The following ACCSL variants were observed in gnomAD, a reference collection of about 807,000 sequenced individuals.
ACCSL encodes probable inactive 1-aminocyclopropane-1-carboxylate synthase-like protein 2.
A neutral mutation model predicts 61.7 loss-of-function variants in ACCSL; 55 were observed. The observed-to-expected ratio is 0.89, with a 90% CI of 0.72 to 1.12. The LOEUF is 1.12. Ranked by LOEUF, ACCSL falls within the 50% of genes most tolerant of loss-of-function variation. The pLI is 0.00. For missense variants in ACCSL, 632 were observed against 698.0 expected, an observed-to-expected ratio of 0.91 and a Z score of 1.07; for synonymous variants, 258 against 264.3, an observed-to-expected ratio of 0.98 and a Z score of 0.23.
chr11:44,024,763 T>C, the ACCSL span, among the ~76,000 whole-genome samples: 3 of 152,178 alleles, frequency 2.0e-5, no homozygotes, highest in Non-Finnish European at 4.4e-5. Flanking sequence ...CTGGTTGTTA[T>C]ATTCATTATT....
chr11:44,012,793 C>T, the ACCSL span, among the ~76,000 whole-genome samples: 3 of 152,192 alleles, frequency 2.0e-5, no homozygotes, highest in Non-Finnish European at 4.4e-5. Flanking sequence ...AATAAGGAAA[C>T]GGCCTAATAC....
At chr11:43,964,938 C>G in the ACCSL span, among the ~76,000 whole-genome samples, 1 of 152,154 alleles carries the variant, frequency 6.6e-6, no homozygotes, top group Non-Finnish European at 1.5e-5. Context: ...TAAAAGGAAA[C>G]TTCCTCAACC....
At chr11:43,928,566 G>A in the ACCSL span, among the ~76,000 whole-genome samples, 4 of 152,154 alleles carry the variant, frequency 2.6e-5, no homozygotes, top group East Asian at 1.9e-4. Flanking sequence ...CAGGAGGATC[G>A]CTGCCTCCCT....
the ACCSL span, among the ~76,000 whole-genome samples, chr11:44,014,143 T>C: frequency 6.6e-6 from 1 of 152,082 alleles, no homozygotes; most frequent in Non-Finnish European, 1.5e-5. Context: ...GAAACATATA[T>C]CCCCACACCG....
At chr11:44,018,468 C>T in the ACCSL span, among the ~76,000 whole-genome samples, 1 of 152,196 alleles carries the variant, frequency 6.6e-6, no homozygotes. Flanking sequence ...AGAAGTTTCT[C>T]CTGCAGACTT....
chr11:44,051,419 C>A lies in ACCSL; in HGVS notation c.705+15C>A, dbSNP rs761452540. 6.2e-7 allele frequency: 1 copy of A among 1,614,078 alleles called. No individual in the cohort carries two copies. Among genetic ancestry groups the A allele is most frequent in the East Asian group, 2.2e-5 (1 of 44,874 alleles). ...ACCCAGAAAATGTGAGTCAGTTTCC[C>A]AGCCTTGCTGCCACCCTGGTGGAGG... On this transcript the variant is annotated intron_variant, in intron 4 of 13. Transcript: ENST00000378832.
At chr11:44,043,332 T>C (rs1952584592), upstream of ACCSL, among the ~76,000 whole-genome samples, 1 of 152,174 alleles carries the variant, frequency 6.6e-6, no homozygotes, top group Non-Finnish European at 1.5e-5. Context: ...GGAATTGGTA[T>C]TGCCTGTGGA....
the ACCSL span, among the ~76,000 whole-genome samples, chr11:44,035,590 C>G: frequency 1.5e-3 from 226 of 152,236 alleles, no homozygotes; most frequent in Non-Finnish European, 2.0e-3. Flanking sequence ...TCTTCACAGT[C>G]TGGGTCTGAG....
the ACCSL span, among the ~76,000 whole-genome samples, chr11:44,002,409 G>C: frequency 5.3e-5 from 8 of 152,296 alleles, no homozygotes; most frequent in African/African-American, 1.9e-4. Flanking sequence ...GAAGCCCCCC[G>C]CGTGGTTTCT....
At chr11:43,970,743 C>T in the ACCSL span, among the ~76,000 whole-genome samples, 1 of 152,074 alleles carries the variant, frequency 6.6e-6, no homozygotes, top group East Asian at 1.9e-4. Flanking sequence ...GGTGTAGGCT[C>T]ATGGGTTCCT....
chr11:44,013,149 G>A, the ACCSL span, among the ~76,000 whole-genome samples: 28 of 152,146 alleles, frequency 1.8e-4, no homozygotes, highest in African/African-American at 6.5e-4. Context: ...AGAAGTCCAA[G>A]ATACACTGAA....
chr11:43,985,082 C>T, the ACCSL span, among the ~76,000 whole-genome samples: 19 of 152,286 alleles, frequency 1.2e-4, no homozygotes, highest in South Asian at 2.3e-3. Context: ...AGCAAATCCA[C>T]GAGAGGCAGG....
At chr11:44,040,816 C>G in the ACCSL span, among the ~76,000 whole-genome samples, 1 of 152,116 alleles carries the variant, frequency 6.6e-6, no homozygotes, top group Non-Finnish European at 1.5e-5. Flanking sequence ...GCTCATGGAT[C>G]CCCAAAAGTG....
chr11:43,955,712 T>A, the ACCSL span, among the ~76,000 whole-genome samples: 1 of 151,952 alleles, frequency 6.6e-6, no homozygotes, highest in Non-Finnish European at 1.5e-5. Flanking sequence ...CAATCTTTGG[T>A]TTTACAATAG....
At chr11:43,990,224 G>C in the ACCSL span, among the ~76,000 whole-genome samples, 4 of 152,362 alleles carry the variant, frequency 2.6e-5, no homozygotes, top group African/African-American at 9.6e-5. Flanking sequence ...CACTGACAGA[G>C]TGCTTAGGAC....
the ACCSL span, among the ~76,000 whole-genome samples, chr11:44,008,510 A>G: frequency 6.6e-6 from 1 of 152,246 alleles, no homozygotes; most frequent in Non-Finnish European, 1.5e-5. Context: ...GGACTCATCC[A>G]AATCTCATTT....
At chr11:43,941,792 T>G in the ACCSL span, among the ~76,000 whole-genome samples, 1 of 152,234 alleles carries the variant, frequency 6.6e-6, no homozygotes, top group Admixed American at 6.5e-5. Flanking sequence ...GGGCTGCTGC[T>G]GTGAAGATTA....
intron 13 of ACCSL, among the ~76,000 whole-genome samples, chr11:44,059,114 C>T (rs902473696): frequency 3.0e-4 from 46 of 152,216 alleles, no homozygotes; most frequent in African/African-American, 8.9e-4. Context: ...TGGTGGCGCA[C>T]GCCTGTAATC....
upstream of ACCSL, among the ~76,000 whole-genome samples, chr11:44,046,733 G>C (rs1429188075): frequency 6.6e-6 from 1 of 152,102 alleles, no homozygotes; most frequent in African/African-American, 2.4e-5. Flanking sequence ...TTGGTGGAAT[G>C]GGCATAGGTC....
Sources: allele counts gnomAD v4.1 joint callset (sites outside exome capture counted in the v4.1 genomes callset), GRCh38; gene constraint gnomAD v4.1.1; transcripts MANE v1.5; gene names NCBI Gene and HGNC (gene_info 2026-07-23, HGNC 2026-07-21).